Variants in KCNN2 observed in about 807,000 individuals in gnomAD.
KCNN2 encodes the protein potassium calcium-activated channel subfamily N member 2, also known as small conductance calcium-activated potassium channel protein 2.
KCNN2 carries 24 observed loss-of-function variants against 55.5 expected under a neutral mutation model. The observed-to-expected ratio is 0.43, with a 90% CI of 0.31 to 0.61. The LOEUF is 0.61. KCNN2 is among the 20% of genes least tolerant of loss of function. The probability of loss-of-function intolerance (pLI) is 0.08; values close to 1 mark genes in which losing one functional copy is unlikely to be tolerated. For synonymous variants in KCNN2, 431 were observed against 336.1 expected (o/e 1.28, Z -3.09); for missense variants, 754 against 853.6 (o/e 0.88, Z 1.45).
chr5:114,272,428 C>CATATCATACACACACATATGTAT (rs1561549162), intron 2 of KCNN2, among the ~76,000 whole-genome samples: 700 of 20,424 alleles, frequency 0.034, 80 homozygotes, highest in African/African-American at 0.068. Context: ...CACATATGTA[C>CATATCATACACACACATATGTAT]GTACATATCA....
chr5:114,487,638 A>C (rs948291098), intron 6 of KCNN2, among the ~76,000 whole-genome samples: 1 of 151,754 alleles, frequency 6.6e-6, no homozygotes, highest in African/African-American at 2.4e-5. Flanking sequence ...TAGACCTTTT[A>C]CTCTCTTATC....
chr5:114,385,535 A>G (rs972158937), intron 2 of KCNN2, among the ~76,000 whole-genome samples: 11 of 151,654 alleles, frequency 7.3e-5, no homozygotes, highest in African/African-American at 2.4e-4. Flanking sequence ...ACACACACAC[A>G]CACACACACA....
chr5:114,280,702 A>G (rs76524867), intron 2 of KCNN2, among the ~76,000 whole-genome samples: 7,525 of 152,266 alleles, frequency 0.049, 225 homozygotes, highest in South Asian at 0.068. Context: ...GTAATGGTCT[A>G]TCTACATTTA....
Position 114,362,798 on chromosome 5 carries a change from G to C in KCNN2, c.659G>C (p.Gly220Ala). 1 of 1,596,200 alleles carries C rather than the reference G, an allele frequency of 6.3e-7. No homozygotes were observed. The highest frequency in any genetic ancestry group is 8.5e-7 in the Non-Finnish European group (1 of 1,176,566). ...EIAMSSCRYN[G>A]GVMRPLSNLS... ...GCCATGAGCAGCTGCAGGTACAACG[G>C]GGGCGTCATGCGGCCGCTCAGCAAC... Residue 220 changes from glycine (G) to alanine (A), a missense_variant, in exon 1 of 8, where the codon GGG becomes GCG. Transcript: ENST00000673685.
chr5:114,318,844 T>G (rs965003832), intron 2 of KCNN2, among the ~76,000 whole-genome samples: 1 of 152,088 alleles, frequency 6.6e-6, no homozygotes, highest in Non-Finnish European at 1.5e-5. Context: ...TATATAAGCA[T>G]GTATTATGTT....
At chr5:114,241,531 A>G (rs943161844) in intron 2 of KCNN2, among the ~76,000 whole-genome samples, 1 of 151,502 alleles carries the variant, frequency 6.6e-6, no homozygotes, top group African/African-American at 2.4e-5. Flanking sequence ...CATGGTAAGG[A>G]TAAAATTTAA....
At chr5:114,221,414 G>T (rs935199906) in intron 1 of KCNN2, among the ~76,000 whole-genome samples, 1 of 152,070 alleles carries the variant, frequency 6.6e-6, no homozygotes, top group African/African-American at 2.4e-5. Flanking sequence ...ACAATACAAA[G>T]CTATTATTTA....
chr5:114,482,725 A>G (rs969593609), intron 5 of KCNN2, among the ~76,000 whole-genome samples: 5 of 152,204 alleles, frequency 3.3e-5, no homozygotes, highest in African/African-American at 1.2e-4. Flanking sequence ...TCTCCTTTGC[A>G]GGGACATGGA....
At chr5:114,420,274 A>C (rs918948245) in intron 3 of KCNN2, among the ~76,000 whole-genome samples, 3 of 152,238 alleles carry the variant, frequency 2.0e-5, no homozygotes, top group African/African-American at 7.2e-5. Context: ...TTTTTGCAAT[A>C]TCTCTCTCTG....
intron 1 of KCNN2, among the ~76,000 whole-genome samples, chr5:114,128,489 AT>A (rs1751985573): frequency 6.6e-6 from 1 of 152,118 alleles, no homozygotes. Context: ...ACATGTGGGG[AT>A]TATGGGAACT....
At chr5:114,322,939 T>C (rs1756639396) in intron 2 of KCNN2, among the ~76,000 whole-genome samples, 1 of 152,188 alleles carries the variant, frequency 6.6e-6, no homozygotes, top group Non-Finnish European at 1.5e-5. Flanking sequence ...TAGTTATCTT[T>C]TCTGCTCCTG....
rs1016203650 is a variant in KCNN2 at position 114,058,522 on chromosome 5, G to A, written c.-271+2022G>A. 6.6e-5 allele frequency among the ~76,000 whole-genome samples: 10 copies of A among 152,152 alleles called. 1 individual carries two copies. The highest frequency in any genetic ancestry group is 5.2e-4 in the Admixed American group (8 of 15,272). ...GCATGCTTGGGCTAATGATGAAAGT[G>A]TATGGTGGACCACGTATTAAGATGA... On this transcript the variant is annotated intron_variant, in intron 1 of 10. Coordinates refer to the KCNN2 transcript ENST00000512097.
At chr5:114,453,649 T>C (rs1445152397) in intron 3 of KCNN2, among the ~76,000 whole-genome samples, 1 of 152,158 alleles carries the variant, frequency 6.6e-6, no homozygotes, top group African/African-American at 2.4e-5. Context: ...TCTATTTTAA[T>C]TGTCTGAGAA....
intron 2 of KCNN2, among the ~76,000 whole-genome samples, chr5:114,236,933 T>C (rs1754508780): frequency 1.3e-5 from 2 of 152,168 alleles, no homozygotes; most frequent in African/African-American, 4.8e-5. Context: ...GTTACTAGTT[T>C]ATTCAATGTA....
chr5:114,129,625 C>T (rs936211007), intron 1 of KCNN2, among the ~76,000 whole-genome samples: 30 of 152,164 alleles, frequency 2.0e-4, no homozygotes, highest in African/African-American at 7.2e-4. Flanking sequence ...CATCTGGTGA[C>T]CCAGTCCTCC....
At chr5:114,451,957 T>C (rs1008728041) in intron 3 of KCNN2, among the ~76,000 whole-genome samples, 24 of 152,036 alleles carry the variant, frequency 1.6e-4, no homozygotes, top group African/African-American at 5.1e-4. Flanking sequence ...GCTTTAGATG[T>C]AGCAGCATTA....
rs1491430759 is a variant in KCNN2, at chr5:114,385,515, G to GCA, written c.1219-18922_1219-18921insAC. 1.3e-3 allele frequency among the ~76,000 whole-genome samples: 87 copies of GCA among 65,458 alleles called. 1 individual carries two copies. Among genetic ancestry groups the GCA allele is most frequent in the African/African-American group, 5.1e-3 (74 of 14,478 alleles). 42.9% of individuals were successfully genotyped at this position (65,458 alleles called of 152,430 possible). A position where few individuals can be genotyped will look rare whatever the true frequency, so the allele number is the denominator to read the frequency against. ...TTGTTTATTGACAGCATACACACAT[G>GCA]CGCGCACACACACACACACACACAC... On this transcript the variant is annotated intron_variant, in intron 2 of 7. Transcript: ENST00000673685.
At chr5:114,275,238 G>T (rs145692721) in intron 2 of KCNN2, among the ~76,000 whole-genome samples, 1 of 152,082 alleles carries the variant, frequency 6.6e-6, no homozygotes, top group Non-Finnish European at 1.5e-5. Flanking sequence ...CAGTTTGCCC[G>T]TATTTTATTG....
chr5:114,097,468 A>C (rs1447565402), intron 1 of KCNN2, among the ~76,000 whole-genome samples: 2 of 152,102 alleles, frequency 1.3e-5, no homozygotes, highest in Non-Finnish European at 2.9e-5. Flanking sequence ...TACCTCATGG[A>C]TTATGGTGGA....
Sources: gnomAD v4.1 joint callset for allele counts (sites outside exome capture counted in the v4.1 genomes callset) on GRCh38, gnomAD v4.1.1 for gene constraint, MANE v1.5 for transcripts, NCBI Gene and HGNC (gene_info 2026-07-23, HGNC 2026-07-21) for gene names.